The following EGFLAM variants were observed in gnomAD, a reference collection of about 807,000 sequenced individuals.
EGFLAM encodes pikachurin.
A neutral mutation model predicts 113.1 loss-of-function variants in EGFLAM; 79 were observed. That is an observed-to-expected ratio of 0.70 (90% CI 0.58 to 0.84). EGFLAM has a LOEUF of 0.84. Among genes scored for constraint, EGFLAM ranks in the 40% least tolerant of loss-of-function variants. The probability of loss-of-function intolerance (pLI) is 0.00; values close to 1 mark genes in which losing one functional copy is unlikely to be tolerated. For missense variants in EGFLAM, 1,265 were observed against 1,291.6 expected, an observed-to-expected ratio of 0.98 and a Z score of 0.32; for synonymous variants, 504 against 487.6, an observed-to-expected ratio of 1.03 and a Z score of -0.44.
intron 1 of EGFLAM, among the ~76,000 whole-genome samples, chr5:38,283,122 C>A (rs116494331): frequency 0.024 from 3,673 of 152,234 alleles, 67 homozygotes; most frequent in Admixed American, 0.043. Flanking sequence ...TAAGTGTTAG[C>A]CACCATGCCT....
chr5:38,407,232 C>T, intron 8 of EGFLAM, 86 bp downstream of exon 8: 2 of 1,346,522 alleles, frequency 1.5e-6, no homozygotes, highest in Non-Finnish European at 2.0e-6. Context: ...AACATAGTTC[C>T]TTCTAGTCCC....
At chr5:38,316,996 G>A (rs1738613464) in intron 1 of EGFLAM, among the ~76,000 whole-genome samples, 1 of 152,128 alleles carries the variant, frequency 6.6e-6, no homozygotes, top group Non-Finnish European at 1.5e-5. Context: ...TTCCGGCAAT[G>A]TTCCGGTGTC....
At chr5:38,442,500 T>C (rs1742578650) in intron 17 of EGFLAM, among the ~76,000 whole-genome samples, 1 of 151,410 alleles carries the variant, frequency 6.6e-6, no homozygotes, top group Non-Finnish European at 1.5e-5. Flanking sequence ...AGAGAGGTTA[T>C]TTAATTATTG....
rs759048145 is a variant in EGFLAM at position 38,335,432 on chromosome 5, T to A, written c.98-2088T>A. 5.7e-4 allele frequency among the ~76,000 whole-genome samples: 86 copies of A among 152,206 alleles called. 1 individual carries two copies. Among genetic ancestry groups the A allele is most frequent in the Admixed American group, 4.6e-4 (7 of 15,284 alleles). Reference sequence around the variant, plus strand: ...ACTACTCTTTTCTATGATCCTATCCTCCTGTGGGGTTCCTTCTTTACTGTG... The same window carrying A: ...ACTACTCTTTTCTATGATCCTATCCACCTGTGGGGTTCCTTCTTTACTGTG... On this transcript the variant is annotated intron_variant, in intron 1 of 21. Transcript: ENST00000322350.
intron 11 of EGFLAM, among the ~76,000 whole-genome samples, chr5:38,417,026 A>C (rs887389181): frequency 6.6e-6 from 1 of 152,082 alleles, no homozygotes; most frequent in African/African-American, 2.4e-5. Flanking sequence ...CTTACCCTGT[A>C]ATGCAGATAA....
chr5:38,372,626 T>C (rs1181155562), intron 6 of EGFLAM, among the ~76,000 whole-genome samples: 2 of 152,162 alleles, frequency 1.3e-5, no homozygotes, highest in Non-Finnish European at 2.9e-5. Context: ...TGAAGTAAAA[T>C]TTTAAAATTT....
At chr5:38,425,473 A>G (rs1016070551) in intron 13 of EGFLAM, among the ~76,000 whole-genome samples, 10 of 152,112 alleles carry the variant, frequency 6.6e-5, no homozygotes, top group Non-Finnish European at 4.4e-5. Context: ...GGCCTCATCA[A>G]TGTACTTTTA....
At chr5:38,411,632 G>C (rs940134941) in intron 10 of EGFLAM, among the ~76,000 whole-genome samples, 1 of 149,356 alleles carries the variant, frequency 6.7e-6, no homozygotes, top group Non-Finnish European at 1.5e-5. Flanking sequence ...ACAAGCATCT[G>C]CCATCGTGCT....
intron 6 of EGFLAM, among the ~76,000 whole-genome samples, chr5:38,385,276 CCA>C (rs796586069): frequency 4.9e-3 from 224 of 45,946 alleles, no homozygotes; most frequent in African/African-American, 0.022. Flanking sequence ...TGTTTCCCAC[CCA>C]CCCCCCCCCC....
intron 13 of EGFLAM, 58 bp from the exon 14 acceptor site, chr5:38,426,951 G>A: frequency 1.9e-6 from 3 of 1,594,082 alleles, no homozygotes; most frequent in Non-Finnish European, 1.7e-6. Context: ...AGCTATGGGT[G>A]CACATCTGGC....
chr5:38,384,503 C>A (rs1740604442), intron 6 of EGFLAM, among the ~76,000 whole-genome samples: 1 of 152,172 alleles, frequency 6.6e-6, no homozygotes, highest in South Asian at 2.1e-4. Flanking sequence ...GTTCCCTGAG[C>A]TATTTCCTTA....
intron 3 of EGFLAM, among the ~76,000 whole-genome samples, chr5:38,344,990 A>G (rs529278057): frequency 2.0e-5 from 3 of 152,340 alleles, no homozygotes; most frequent in African/African-American, 7.2e-5. Context: ...GAGAGAATGG[A>G]TACTGAGAGA....
chr5:38,392,099 C>T (rs1468242858), intron 6 of EGFLAM, among the ~76,000 whole-genome samples: 1 of 152,110 alleles, frequency 6.6e-6, no homozygotes, highest in Non-Finnish European at 1.5e-5. Flanking sequence ...TGCTCCTCTC[C>T]CTATTCCCAC....
At chr5:38,459,404 C>G (rs1247181798) in intron 20 of EGFLAM, among the ~76,000 whole-genome samples, 2 of 152,168 alleles carry the variant, frequency 1.3e-5, no homozygotes, top group Non-Finnish European at 2.9e-5. Context: ...AATCACCATC[C>G]TGACTTCTGA....
At chr5:38,340,608 A>G (rs1739309251) in intron 3 of EGFLAM, among the ~76,000 whole-genome samples, 1 of 152,170 alleles carries the variant, frequency 6.6e-6, no homozygotes, top group Non-Finnish European at 1.5e-5. Context: ...CGTTATTAAC[A>G]TGCTGCTTAG....
intron 15 of EGFLAM, among the ~76,000 whole-genome samples, chr5:38,431,637 C>A (rs1379976029): frequency 6.6e-6 from 1 of 152,128 alleles, no homozygotes; most frequent in Non-Finnish European, 1.5e-5. Context: ...GGGGTAGGGC[C>A]TGTGGTGCAT....
rs368736423 is a variant in EGFLAM, at chr5:38,316,455, G to A, written c.98-21065G>A. ...AGCTACTTAACTTCTCTGTTTCTCA[G>A]ATTCCTCACTCCTAAAATAGGACAA... On this transcript the variant is annotated intron_variant, in intron 1 of 21. Transcript: ENST00000322350. 5.9e-5 allele frequency among the ~76,000 whole-genome samples: 9 copies of A among 152,254 alleles called. No homozygotes were observed. The East Asian group carries it at 1.7e-3, about 29-fold the overall frequency.
At chr5:38,372,224 C>T (rs771427126) in intron 6 of EGFLAM, among the ~76,000 whole-genome samples, 5 of 151,868 alleles carry the variant, frequency 3.3e-5, no homozygotes, top group Non-Finnish European at 5.9e-5. Flanking sequence ...CTCACTGCAA[C>T]CTCCGCCTCC....
Position 38,370,454 on chromosome 5 carries a change from G to A in EGFLAM, c.704G>A (p.Arg235Gln), listed in dbSNP as rs192113610. The A allele has an allele frequency of 8.4e-5, 135 of 1,613,886 alleles. No individual in the cohort carries two copies. In the South Asian group the frequency reaches 1.2e-3, roughly 14 times the overall value. Residue 235 changes from arginine to glutamine, a missense_variant, in exon 6 of 22, where the codon CGG (arginine) becomes CAG (glutamine). Arg to Gln is a conservative substitution (Grantham distance 43, BLOSUM62 1). Coordinates refer to ENST00000322350, the MANE Select transcript of EGFLAM (RefSeq NM_152403.4). ...SPRSWPSDII[R>Q]TLCPEEAGSG... Reference sequence around the variant, plus strand: ...CGCAGCTGGCCCAGTGACATCATCCGGACCCTCTGTGAGTACCAGGGTCCT... The same window carrying A: ...CGCAGCTGGCCCAGTGACATCATCCAGACCCTCTGTGAGTACCAGGGTCCT...
Sources: gnomAD v4.1 joint callset for allele counts (sites outside exome capture counted in the v4.1 genomes callset) on GRCh38, gnomAD v4.1.1 for gene constraint, MANE v1.5 for transcripts, NCBI Gene and HGNC (gene_info 2026-07-23, HGNC 2026-07-21) for gene names.